ITPR2: variants seen among roughly 807,000 people sequenced by gnomAD.
The protein encoded by ITPR2 is inositol 1,4,5-trisphosphate-gated calcium channel ITPR2.
In ITPR2, 207 loss-of-function variants were observed where a neutral mutation model predicts 317.1. The ratio of observed to expected loss-of-function variants is 0.65; its 90% CI spans 0.58 to 0.73. The LOEUF is 0.73. Among genes scored for constraint, ITPR2 ranks in the 30% least tolerant of loss-of-function variants. ITPR2 has a pLI of 0.00. For synonymous variants in ITPR2, 1,156 were observed against 1,149.1 expected (o/e 1.01, Z -0.12); for missense variants, 2,613 against 3,284.0 (o/e 0.80, Z 4.99).
chr12:26,523,883 C>A (rs368782388), intron 37 of ITPR2, among the ~76,000 whole-genome samples: 2 of 152,214 alleles, frequency 1.3e-5, no homozygotes, highest in African/African-American at 4.8e-5. Context: ...ACACTGCAGG[C>A]GTTACATAAT....
At chr12:26,533,975 G>A (rs1220691949) in intron 37 of ITPR2, among the ~76,000 whole-genome samples, 1 of 152,180 alleles carries the variant, frequency 6.6e-6, no homozygotes, top group Non-Finnish European at 1.5e-5. Flanking sequence ...CTAGGTGTCA[G>A]TTATCTGACT....
intron 55 of ITPR2, among the ~76,000 whole-genome samples, chr12:26,351,155 C>T (rs956265325): frequency 6.6e-6 from 1 of 152,208 alleles, no homozygotes; most frequent in East Asian, 1.9e-4. Context: ...TGCTGGGAGG[C>T]TCTGGGGACG....
Position 26,682,531 on chromosome 12 carries a change from A to G in ITPR2, c.1248+43T>C, listed in dbSNP as rs554514176. The G allele has an allele frequency of 2.4e-6, 3 of 1,228,578 alleles. No homozygotes were observed. The Admixed American group carries it at 5.3e-5, about 22-fold the overall frequency. 76.1% of individuals were successfully genotyped at this position (1,228,578 alleles called of 1,614,324 possible). On this transcript the variant is annotated intron_variant, in intron 12 of 56. Transcript: ENST00000381340. ...GCATTCCTATCCTAATCCTATTCTC[A>G]TGGCATTTGGCTGAAAATTAAACCA...
intron 51 of ITPR2, among the ~76,000 whole-genome samples, chr12:26,413,438 A>T (rs1940615872): frequency 6.6e-6 from 1 of 152,170 alleles, no homozygotes; most frequent in Non-Finnish European, 1.5e-5. Flanking sequence ...CAATAATGTC[A>T]CTCAATATAC....
chr12:26,395,329 G>C (rs1227163339), intron 54 of ITPR2, among the ~76,000 whole-genome samples: 2 of 152,170 alleles, frequency 1.3e-5, no homozygotes, highest in Non-Finnish European at 2.9e-5. Flanking sequence ...GTTGATGACA[G>C]TTATTGTGAT....
In ITPR2 at chr12:26,473,611, C is replaced by T. The variant is rs1468778851; in HGVS notation, c.6342+1685G>A. 3.3e-5 allele frequency among the ~76,000 whole-genome samples: 5 copies of T among 152,186 alleles called. No homozygotes were observed. The East Asian group carries it at 9.6e-4, about 29-fold the overall frequency. On this transcript the variant is annotated intron_variant, in intron 45 of 56. Transcript: ENST00000381340. ...TTGCTTGTCTTCCTTGCCTTCTTCCCTCCACAGTGCTACAGCCTCTAAAGT... is the reference window on the plus strand; with the variant it reads ...TTGCTTGTCTTCCTTGCCTTCTTCCTTCCACAGTGCTACAGCCTCTAAAGT...
intron 32 of ITPR2, among the ~76,000 whole-genome samples, chr12:26,583,010 A>C (rs1945440472): frequency 6.6e-6 from 1 of 151,280 alleles, no homozygotes; most frequent in Non-Finnish European, 1.5e-5. Flanking sequence ...CCCTTCCTCC[A>C]TGTCTCCAGG....
At chr12:26,457,441 T>C (rs1052527984) in intron 45 of ITPR2, among the ~76,000 whole-genome samples, 1 of 152,158 alleles carries the variant, frequency 6.6e-6, no homozygotes, top group African/African-American at 2.4e-5. Context: ...ACTTTTGCTG[T>C]GAAACTGGAA....
intron 11 of ITPR2, among the ~76,000 whole-genome samples, chr12:26,685,942 C>T (rs1948116456): frequency 6.6e-6 from 1 of 152,172 alleles, no homozygotes; most frequent in African/African-American, 2.4e-5. Context: ...CTTCAAAGCA[C>T]TTTTATTACC....
intron 37 of ITPR2, among the ~76,000 whole-genome samples, chr12:26,509,175 G>A (rs1231537424): frequency 6.6e-6 from 1 of 152,188 alleles, no homozygotes; most frequent in Non-Finnish European, 1.5e-5. Flanking sequence ...TATATGAAAT[G>A]TCCAGAAGAG....
intron 1 of ITPR2, among the ~76,000 whole-genome samples, chr12:26,825,214 T>C (rs144115638): frequency 3.7e-3 from 566 of 152,278 alleles, no homozygotes; most frequent in African/African-American, 0.011. Context: ...ACCTGGACGA[T>C]AGAGCAAGAC....
At chr12:26,633,013 T>G (rs1313094944) in intron 21 of ITPR2, among the ~76,000 whole-genome samples, 1 of 152,096 alleles carries the variant, frequency 6.6e-6, no homozygotes, top group Non-Finnish European at 1.5e-5. Flanking sequence ...CTTTGCTTCG[T>G]GGGTGTTCAT....
chr12:26,458,654 G>C (rs1200742436), intron 45 of ITPR2, among the ~76,000 whole-genome samples: 1 of 152,214 alleles, frequency 6.6e-6, no homozygotes, highest in Non-Finnish European at 1.5e-5. Flanking sequence ...GGGTGACGGA[G>C]GGGAACATTT....
chr12:26,338,583 A>G lies in ITPR2; in HGVS notation c.*814T>C, dbSNP rs1303357484. ...ATTAATCTCAATATATTTTAATAGCATACATATGGTCTCAAAAAACCCTTT... is the reference window on the plus strand; with the variant it reads ...ATTAATCTCAATATATTTTAATAGCGTACATATGGTCTCAAAAAACCCTTT... On this transcript the variant is annotated 3_prime_UTR_variant, in exon 57 of 57. Transcript: ENST00000381340. 1.3e-5 allele frequency: 2 copies of G among 152,276 alleles called. No individual in the cohort carries two copies. Among genetic ancestry groups the G allele is most frequent in the East Asian group, 3.8e-4 (2 of 5,200 alleles). 9.4% of individuals were successfully genotyped at this position (152,276 alleles called of 1,614,324 possible).
chr12:26,370,010 C>A (rs149250272), intron 55 of ITPR2, among the ~76,000 whole-genome samples: 2 of 152,260 alleles, frequency 1.3e-5, no homozygotes, highest in Non-Finnish European at 2.9e-5. Context: ...AAAGACAGGG[C>A]ACAGAAGCCC....
chr12:26,738,517 T>C (rs1949169666), intron 2 of ITPR2, among the ~76,000 whole-genome samples: 2 of 152,202 alleles, frequency 1.3e-5, no homozygotes, highest in South Asian at 4.1e-4. Flanking sequence ...CCTATTCTTT[T>C]ATTCTCCATA....
intron 21 of ITPR2, among the ~76,000 whole-genome samples, chr12:26,634,326 T>C (rs1369347959): frequency 6.6e-6 from 1 of 152,210 alleles, no homozygotes; most frequent in African/African-American, 2.4e-5. Flanking sequence ...AATTCTAAAC[T>C]GTTGAGATAA....
chr12:26,700,697 T>A (rs889558390), intron 9 of ITPR2, among the ~76,000 whole-genome samples: 1 of 152,006 alleles, frequency 6.6e-6, no homozygotes, highest in Non-Finnish European at 1.5e-5. Context: ...GGCTAGAGAG[T>A]TTGCATCCAT....
chr12:26,343,392 T>C (rs1034716151), intron 55 of ITPR2, among the ~76,000 whole-genome samples: 11 of 152,216 alleles, frequency 7.2e-5, no homozygotes, highest in African/African-American at 2.7e-4. Flanking sequence ...TAAATATCAC[T>C]GAACTTGGGA....
Sources: gnomAD v4.1 joint callset for allele counts (sites outside exome capture counted in the v4.1 genomes callset) on GRCh38, gnomAD v4.1.1 for gene constraint, MANE v1.5 for transcripts, NCBI Gene and HGNC (gene_info 2026-07-23, HGNC 2026-07-21) for gene names.